ADCY9: variants seen among roughly 807,000 people sequenced by gnomAD.
ADCY9 encodes adenylate cyclase type 9.
ADCY9 carries 50 observed loss-of-function variants against 101.5 expected under a neutral mutation model. The ratio of observed to expected loss-of-function variants is 0.49; its 90% confidence interval spans 0.39 to 0.62. The LOEUF is 0.62. ADCY9 is among the 20% of genes least tolerant of loss of function. ADCY9 has a pLI of 0.00. For missense variants in ADCY9, 1,662 were observed against 1,800.4 expected (o/e 0.92, Z 1.39); for synonymous variants, 905 against 769.3 (o/e 1.18, Z -2.92).
In ADCY9 at chr16:4,114,560, C is replaced by CGATGGCGTGGAT. The variant is rs2057135089; in HGVS notation, c.871_882dup (p.Ile291_Ile294dup). 1 of 1,614,012 alleles carries CGATGGCGTGGAT rather than the reference C, an allele frequency of 6.2e-7. No individual in the cohort carries two copies. The highest frequency in any genetic ancestry group is 8.5e-7 in the Non-Finnish European group (1 of 1,180,062). On this transcript the variant is annotated inframe_insertion, in exon 2 of 11. Coordinates refer to ENST00000294016, the MANE Select transcript of ADCY9 (RefSeq NM_001116.4). This position sits in a 1 kb window ranked among gnomAD's most constrained non-coding sequence, Gnocchi z 4.3. ...TGGGACATGACGAACAGGTGGACCC[C>CGATGGCGTGGAT]GATGGCGTGGATGCAGCCGTGGAGC...
At chr16:4,050,066 T>C (rs973025454) in intron 2 of ADCY9, among the ~76,000 whole-genome samples, 1 of 150,480 alleles carries the variant, frequency 6.6e-6, no homozygotes. Flanking sequence ...GAGTCCACTG[T>C]TGGGGGCCGA....
chr16:4,071,019 G>A (rs1175430225), intron 2 of ADCY9, among the ~76,000 whole-genome samples: 2 of 151,786 alleles, frequency 1.3e-5, no homozygotes, highest in Non-Finnish European at 2.9e-5. Flanking sequence ...ACCCATCAAA[G>A]AGGCGGGGTT....
At chr16:4,037,469 T>C (rs1366324274) in intron 2 of ADCY9, among the ~76,000 whole-genome samples, 1 of 152,218 alleles carries the variant, frequency 6.6e-6, no homozygotes, top group Non-Finnish European at 1.5e-5. Flanking sequence ...CATTCGATGA[T>C]GGCCACATTG....
At chr16:4,092,228 C>G (rs1348250971) in intron 2 of ADCY9, among the ~76,000 whole-genome samples, 2 of 152,174 alleles carry the variant, frequency 1.3e-5, no homozygotes, top group Non-Finnish European at 2.9e-5. Flanking sequence ...TGAGATCGTG[C>G]CACTGCACTC....
chr16:4,076,769 C>T (rs1212041823), intron 2 of ADCY9, among the ~76,000 whole-genome samples: 7 of 152,106 alleles, frequency 4.6e-5, no homozygotes, highest in East Asian at 1.9e-4. Context: ...GGCTGCAGTG[C>T]ATCAATAATT....
intron 2 of ADCY9, among the ~76,000 whole-genome samples, chr16:4,041,868 C>T (rs1456661479): frequency 7.4e-5 from 11 of 149,070 alleles, no homozygotes; most frequent in African/African-American, 2.7e-4. Flanking sequence ...CTTCCCACCT[C>T]GGCCTCCCAA....
At chr16:4,030,060 T>C (rs1419987489) in intron 2 of ADCY9, among the ~76,000 whole-genome samples, 1 of 152,190 alleles carries the variant, frequency 6.6e-6, no homozygotes, top group Non-Finnish European at 1.5e-5. Context: ...GATAACAATG[T>C]TATCACCATT....
chr16:4,074,623 G>T (rs1431107252), intron 2 of ADCY9, among the ~76,000 whole-genome samples: 1 of 151,290 alleles, frequency 6.6e-6, no homozygotes, highest in South Asian at 2.1e-4. Context: ...CGACAGAGGC[G>T]GGTGGGTCGC....
intron 2 of ADCY9, among the ~76,000 whole-genome samples, chr16:4,109,443 C>T (rs759861572): frequency 4.3e-4 from 65 of 152,296 alleles, no homozygotes; most frequent in Admixed American, 8.5e-4. Context: ...GTGCCTGGCA[C>T]GGAGTAAATG....
intron 2 of ADCY9, among the ~76,000 whole-genome samples, chr16:4,054,767 C>G (rs532215598): frequency 3.9e-5 from 6 of 152,192 alleles, no homozygotes; most frequent in African/African-American, 1.2e-4. Context: ...ACGGGTTTCA[C>G]TGTGTTAGCC....
chr16:4,012,032 AC>A (rs1224161547), intron 2 of ADCY9, among the ~76,000 whole-genome samples: 2 of 152,232 alleles, frequency 1.3e-5, no homozygotes, highest in East Asian at 3.8e-4. Context: ...CCTTCTACAT[AC>A]AAAAGCATTT....
chr16:3,998,708 CAAAAAAAAAAAAA>C (rs1165056665), intron 3 of ADCY9, among the ~76,000 whole-genome samples: 1 of 3,604 alleles, frequency 2.8e-4, no homozygotes, highest in Non-Finnish European at 4.8e-4. Flanking sequence ...AACTCTGTCT[CAAAAAAAAAAAAA>C]AAAAAAAAAA....
intron 2 of ADCY9, among the ~76,000 whole-genome samples, chr16:4,023,852 G>C (rs2056495110): frequency 6.6e-6 from 1 of 152,000 alleles, no homozygotes; most frequent in African/African-American, 2.4e-5. Flanking sequence ...GGAGGCTGCA[G>C]TGGGCCGAGA....
At chr16:4,087,777 A>G (rs1163030356) in intron 2 of ADCY9, among the ~76,000 whole-genome samples, 1 of 151,462 alleles carries the variant, frequency 6.6e-6, no homozygotes, top group African/African-American at 2.4e-5. Context: ...CTCGGATACT[A>G]CAGTCCTGAA....
intron 2 of ADCY9, among the ~76,000 whole-genome samples, chr16:4,101,341 G>A (rs980538808): frequency 6.7e-6 from 1 of 149,630 alleles, no homozygotes; most frequent in Non-Finnish European, 1.5e-5. Context: ...GTACAGTGGT[G>A]CAATCACAGC....
intron 2 of ADCY9, among the ~76,000 whole-genome samples, chr16:4,067,362 T>C (rs1197762764): frequency 1.3e-5 from 2 of 152,170 alleles, no homozygotes; most frequent in African/African-American, 4.8e-5. Flanking sequence ...TCCTCCCTCT[T>C]GCGCTATGCC....
chr16:4,085,384 G>C (rs947038117), intron 2 of ADCY9, among the ~76,000 whole-genome samples: 3 of 151,956 alleles, frequency 2.0e-5, no homozygotes, highest in Non-Finnish European at 2.9e-5. Flanking sequence ...GAGAGAGAAG[G>C]CACCAGGTTC....
intron 2 of ADCY9, among the ~76,000 whole-genome samples, chr16:4,095,840 G>A (rs1420090406): frequency 6.6e-6 from 1 of 151,912 alleles, no homozygotes; most frequent in Non-Finnish European, 1.5e-5. Flanking sequence ...AGACGGGCAT[G>A]ATGTTGCATG....
intron 5 of ADCY9, among the ~76,000 whole-genome samples, chr16:3,957,493 T>G (rs1597126113): frequency 6.7e-6 from 1 of 148,602 alleles, no homozygotes; most frequent in African/African-American, 2.5e-5. Flanking sequence ...AGGGGGAGGG[T>G]GATGGCGGAA....
Sources: gnomAD v4.1 joint callset for allele counts (sites outside exome capture counted in the v4.1 genomes callset) on GRCh38, gnomAD v4.1.1 for gene constraint, Gnocchi (gnomAD v3.1) non-coding constraint, MANE v1.5 for transcripts, NCBI Gene and HGNC (gene_info 2026-07-23, HGNC 2026-07-21) for gene names.